The following TFCP2 variants were observed in gnomAD, a reference collection of about 807,000 sequenced individuals.
The protein encoded by TFCP2 is transcription factor CP2.
A neutral mutation model predicts 73.4 loss-of-function variants in TFCP2; 33 were observed. That is an observed-to-expected ratio of 0.45 (90% CI 0.34 to 0.60). The LOEUF (loss-of-function observed/expected upper bound fraction) is 0.60, where lower values mean the gene tolerates loss of function less well. Ranked by LOEUF, TFCP2 falls within the 20% of genes least tolerant of loss-of-function variation. The pLI is 0.01. For synonymous variants in TFCP2, 193 were observed against 211.6 expected (o/e 0.91, Z 0.76); for missense variants, 352 against 604.0 (o/e 0.58, Z 4.37).
chr12:51,117,681 T>C lies in TFCP2; in HGVS notation c.341A>G (p.Lys114Arg). 6.2e-7 allele frequency: 1 copy of C among 1,611,900 alleles called. No individual in the cohort carries two copies. Among genetic ancestry groups the C allele is most frequent in the East Asian group, 2.2e-5 (1 of 44,796 alleles). Residue 114 changes from lysine to arginine, a missense_variant, in exon 3 of 15, where the codon AAA becomes AGA. Physicochemically the swap from Lys to Arg is conservative, Grantham distance 26. This residue lies in a region of TFCP2 where 76 missense variants were observed against 163.2 expected (regional missense o/e 0.47). Transcript: ENST00000257915. ...ATTTATTCGTTTTACCTTCACCAAT[T>C]TGCCATTAATTTCTGGAAGTTCTCC... is the stretch of plus-strand genomic sequence containing the variant. ...KLGELPEING[K>R]LVKSIFRVVF...
intron 1 of TFCP2, among the ~76,000 whole-genome samples, chr12:51,154,795 A>T (rs1156430169): frequency 6.6e-6 from 1 of 152,184 alleles, no homozygotes; most frequent in Non-Finnish European, 1.5e-5. Context: ...TGGGTAACTG[A>T]TATCTCAGAA....
intron 1 of TFCP2, among the ~76,000 whole-genome samples, chr12:51,150,238 C>T (rs1004520002): frequency 2.0e-5 from 3 of 151,994 alleles, no homozygotes; most frequent in East Asian, 1.9e-4. Flanking sequence ...GCCAACATGG[C>T]GAAACCTCTT....
chr12:51,168,184 CCAGGAGTTCCAGAACAGCCTGGTCAA>C (rs1375731973), intron 1 of TFCP2, among the ~76,000 whole-genome samples: 1 of 152,056 alleles, frequency 6.6e-6, no homozygotes, highest in Non-Finnish European at 1.5e-5. Flanking sequence ...CTGTTTGAGC[CCAGGAGTTCCAGAACAGCCTGGTCAA>C]CATAGGGAGA....
intron 1 of TFCP2, among the ~76,000 whole-genome samples, chr12:51,156,358 C>A (rs562340764): frequency 6.6e-6 from 1 of 151,656 alleles, no homozygotes; most frequent in Non-Finnish European, 1.5e-5. Context: ...GGGGGAGGTG[C>A]CACACTTAAA....
At chr12:51,095,685 G>A (rs564262399) in intron 14 of TFCP2, among the ~76,000 whole-genome samples, 41 of 151,690 alleles carry the variant, frequency 2.7e-4, no homozygotes, top group South Asian at 1.0e-3. Flanking sequence ...ATGGTGGCAC[G>A]TGCCTGTAAT....
intron 13 of TFCP2, 113 bp from the exon 14 acceptor site, chr12:51,096,153 G>A (rs1939961684): frequency 2.7e-6 from 2 of 745,492 alleles, no homozygotes; most frequent in Non-Finnish European, 2.2e-6. Flanking sequence ...AGGCTTTACA[G>A]GTCACAAATA....
At chr12:51,138,211 G>A (rs1236431322) in intron 1 of TFCP2, among the ~76,000 whole-genome samples, 4 of 151,984 alleles carry the variant, frequency 2.6e-5, no homozygotes, top group African/African-American at 7.3e-5. Flanking sequence ...GCACTATCTC[G>A]GCTCACTACA....
intron 1 of TFCP2, among the ~76,000 whole-genome samples, chr12:51,170,811 T>C (rs925238283): frequency 1.3e-5 from 2 of 152,064 alleles, no homozygotes; most frequent in Admixed American, 1.3e-4. Context: ...CCCAAGTAGC[T>C]GGGATTACAG....
chr12:51,172,476 G>C lies in TFCP2; in HGVS notation c.-54C>G. On this transcript the variant is annotated 5_prime_UTR_variant, in exon 1 of 15. Coordinates refer to ENST00000257915, the MANE Select transcript of TFCP2 (RefSeq NM_005653.5). ...CCGTGTCTTGTACAAAGGCGCGGAG[G>C]GTAATTCTACCCAACAGGAGTAACG... 6.2e-7 allele frequency: 1 copy of C among 1,608,026 alleles called. No individual in the cohort carries two copies. The highest frequency in any genetic ancestry group is 8.5e-7 in the Non-Finnish European group (1 of 1,177,846).
Position 51,107,428 on chromosome 12 carries a change from T to C in TFCP2, c.718-82A>G, listed in dbSNP as rs1002572469. The C allele has an allele frequency of 1.4e-5, 16 of 1,108,872 alleles. No individual in the cohort carries two copies. In the African/African-American group the frequency reaches 2.1e-4, roughly 14 times the overall value. 68.7% of individuals were successfully genotyped at this position (1,108,872 alleles called of 1,614,324 possible). On this transcript the variant is annotated intron_variant, in intron 6 of 14. Transcript: ENST00000257915. Reference sequence around the variant, plus strand: ...TTGCTTCCAAAAACTTAAATATTCATGTATGAAACAAAATTGTATGTGCAG... The same window carrying C: ...TTGCTTCCAAAAACTTAAATATTCACGTATGAAACAAAATTGTATGTGCAG...
Position 51,099,698 on chromosome 12 carries a change from C to CTGTTGCTGCTGCTGT in TFCP2, c.1218_1232dup (p.Gln409_Gln413dup). 1 of 1,614,162 alleles carries CTGTTGCTGCTGCTGT rather than the reference C, an allele frequency of 6.2e-7. No homozygotes were observed. Among genetic ancestry groups the CTGTTGCTGCTGCTGT allele is most frequent in the Non-Finnish European group, 8.5e-7 (1 of 1,180,022 alleles). On this transcript the variant is annotated inframe_insertion, in exon 12 of 15. Transcript: ENST00000257915. ...AGTCTCCATCCTCATGCTTCTGCTG[C>CTGTTGCTGCTGCTGT]TGTTGCTGCTGCTGTTGTTGCTGCT... is the stretch of plus-strand genomic sequence containing the variant.
intron 1 of TFCP2, among the ~76,000 whole-genome samples, chr12:51,148,708 A>AC (rs2137026209): frequency 6.7e-6 from 1 of 149,420 alleles, no homozygotes; most frequent in South Asian, 2.1e-4. Context: ...TCAAAAAAAA[A>AC]AAAAAAAGAA....
At chr12:51,112,000 A>C (rs758183901) in intron 4 of TFCP2, among the ~76,000 whole-genome samples, 2 of 152,120 alleles carry the variant, frequency 1.3e-5, no homozygotes, top group African/African-American at 2.4e-5. Flanking sequence ...CTACTAAAAA[A>C]TACAAAAATT....
At chr12:51,099,526 A>C in intron 12 of TFCP2, 129 bp downstream of exon 12, 1 of 1,246,092 alleles carries the variant, frequency 8.0e-7, no homozygotes, top group Non-Finnish European at 1.1e-6. Flanking sequence ...GAACTTAATA[A>C]ATGCTAGTGA....
At chr12:51,106,443 A>T (rs1940244466) in intron 8 of TFCP2, 82 bp downstream of exon 8, 2 of 1,046,076 alleles carry the variant, frequency 1.9e-6, no homozygotes, top group Non-Finnish European at 2.8e-6. Context: ...TTATTGATTT[A>T]AAAAAGATCT....
chr12:51,095,043 C>T lies in TFCP2; in HGVS notation c.*198G>A. On this transcript the variant is annotated 3_prime_UTR_variant, in exon 15 of 15. Transcript: ENST00000257915. Reference sequence around the variant, plus strand: ...AACAGCTGCAGAACTGCATATTGGGCAGTAATCTGTGTGTACCACAAGAGC... The same window carrying T: ...AACAGCTGCAGAACTGCATATTGGGTAGTAATCTGTGTGTACCACAAGAGC... The T allele has an allele frequency of 4.6e-6, 3 of 650,100 alleles. No individual in the cohort carries two copies. The highest frequency in any genetic ancestry group is 5.5e-6 in the Non-Finnish European group (2 of 362,940). 40.3% of individuals were successfully genotyped at this position (650,100 alleles called of 1,614,324 possible). A position where few individuals can be genotyped will look rare whatever the true frequency, so the allele number is the denominator to read the frequency against.
chr12:51,154,921 G>C lies in TFCP2; in HGVS notation c.122+17380C>G, dbSNP rs912839375. Among the ~76,000 whole-genome samples, 3 of 152,254 alleles carry C rather than the reference G, an allele frequency of 2.0e-5. No homozygotes were observed. In the East Asian group the frequency reaches 5.8e-4, roughly 29 times the overall value. On this transcript the variant is annotated intron_variant, in intron 1 of 14. Coordinates refer to ENST00000257915, the MANE Select transcript of TFCP2 (RefSeq NM_005653.5). ...CCGGATTAAAGGATACTTAAAAAGC[G>C]GGTAAAGCATGATTTCTGACTGTAT... is the stretch of plus-strand genomic sequence containing the variant.
intron 1 of TFCP2, among the ~76,000 whole-genome samples, chr12:51,123,291 G>A (rs1439586757): frequency 2.6e-5 from 4 of 152,170 alleles, no homozygotes; most frequent in Non-Finnish European, 5.9e-5. Flanking sequence ...TCATATTCTT[G>A]CTACACCGCA....
At chr12:51,099,063 T>C (rs540456436) in intron 12 of TFCP2, 145 bp from the exon 13 acceptor site, 2 of 878,444 alleles carry the variant, frequency 2.3e-6, no homozygotes, top group Non-Finnish European at 3.4e-6. Flanking sequence ...CTTGCAGCTG[T>C]GTGACCTAGG....
Sources: allele counts gnomAD v4.1 joint callset (sites outside exome capture counted in the v4.1 genomes callset), GRCh38; gene constraint gnomAD v4.1.1; regional missense constraint gnomAD v4.1.1; transcripts MANE v1.5; gene names NCBI Gene and HGNC (gene_info 2026-07-23, HGNC 2026-07-21).